Variants in ASH1L observed in about 807,000 individuals in gnomAD.
ASH1L encodes histone-lysine N-methyltransferase ASH1L.
In ASH1L, 23 loss-of-function variants were observed where a neutral mutation model predicts 269.0. The observed-to-expected ratio is 0.09, with a 90% CI of 0.06 to 0.12. The LOEUF (loss-of-function observed/expected upper bound fraction) is 0.12, where lower values mean the gene tolerates loss of function less well. Ranked by LOEUF, ASH1L falls within the 10% of genes least tolerant of loss-of-function variation. The pLI is 1.00. For missense variants in ASH1L, 2,912 were observed against 3,567.8 expected (o/e 0.82, Z 4.68); for synonymous variants, 1,187 against 1,253.5 (o/e 0.95, Z 1.12).
At chr1:155,405,711 C>T (rs536435039) in intron 6 of ASH1L, among the ~76,000 whole-genome samples, 16 of 150,740 alleles carry the variant, frequency 1.1e-4, no homozygotes, top group Admixed American at 9.3e-4. Context: ...GGGCCTGTAG[C>T]CCCATCTGTT....
intron 12 of ASH1L, among the ~76,000 whole-genome samples, chr1:155,366,133 A>C (rs1181606220): frequency 6.6e-6 from 1 of 152,186 alleles, no homozygotes; most frequent in African/African-American, 2.4e-5. Context: ...CAGGTCATAA[A>C]GACCTTGCTG....
In ASH1L at chr1:155,438,783, G is replaced by A. The variant is rs1443090699; in HGVS notation, c.5372C>T (p.Ser1791Phe). 1 of 1,614,146 alleles carries A rather than the reference G, an allele frequency of 6.2e-7. No homozygotes were observed. The change falls in exon 5 of 28, where the codon TCC becomes TTC. Residue 1791 changes from serine (S) to phenylalanine (F), a missense_variant. Ser to Phe is a radical substitution (Grantham distance 155, BLOSUM62 -2). This residue lies in a region of ASH1L where 789 missense variants were observed against 897.6 expected (regional missense o/e 0.88). Transcript: ENST00000392403. Reference sequence around the variant, plus strand: ...TACACTTCTCTTGATATGATGGGGGGAACAGCTGCTTGTCAACTTTTCAGA... The same window carrying A: ...TACACTTCTCTTGATATGATGGGGGAAACAGCTGCTTGTCAACTTTTCAGA... The part of the protein sequence containing the change: ...LLSEKLTSSC[S>F]PHHIKRSVVE...
upstream of ASH1L, chr1:155,562,849 C>T (rs1352147708): frequency 1.2e-5 from 6 of 484,620 alleles, no homozygotes; most frequent in South Asian, 9.2e-5. Flanking sequence ...CCCCCCTTCC[C>T]CGCCCCCACG....
intron 5 of ASH1L, among the ~76,000 whole-genome samples, chr1:155,426,469 G>A (rs958106980): frequency 2.0e-5 from 3 of 152,028 alleles, no homozygotes. Context: ...CCAAAGTGCT[G>A]GGATTACAGG....
intron 1 of ASH1L, among the ~76,000 whole-genome samples, chr1:155,543,971 C>T (rs1670622565): frequency 6.6e-6 from 1 of 152,204 alleles, no homozygotes; most frequent in African/African-American, 2.4e-5. Flanking sequence ...AAAGCAATTT[C>T]CTCATGGATT....
intron 4 of ASH1L, among the ~76,000 whole-genome samples, chr1:155,441,900 G>C (rs186971064): frequency 1.3e-5 from 2 of 151,886 alleles, no homozygotes; most frequent in East Asian, 1.9e-4. Context: ...TGAGTAGCTG[G>C]GACTACAGGC....
At chr1:155,448,921 C>T (rs116642856) in intron 4 of ASH1L, among the ~76,000 whole-genome samples, 3,122 of 151,926 alleles carry the variant, frequency 0.021, 102 homozygotes, top group African/African-American at 0.072. Context: ...GATTATCCCA[C>T]AAATTTCTAT....
intron 1 of ASH1L, among the ~76,000 whole-genome samples, chr1:155,560,260 G>A (rs1260668422): frequency 6.6e-6 from 1 of 151,974 alleles, no homozygotes; most frequent in Admixed American, 6.6e-5. Context: ...CTAACTTGAG[G>A]GCCCAGTGTC....
intron 12 of ASH1L, among the ~76,000 whole-genome samples, chr1:155,367,913 T>C (rs1268880173): frequency 6.6e-6 from 1 of 152,222 alleles, no homozygotes; most frequent in Admixed American, 6.6e-5. Context: ...CACTGGCCTA[T>C]ATTTTTTCCT....
intron 2 of ASH1L, 22 bp from the exon 3 acceptor site, chr1:155,482,471 A>T: frequency 6.3e-7 from 1 of 1,584,406 alleles, no homozygotes. Context: ...ACAAGAAAAA[A>T]GTTAAAGAGG....
intron 5 of ASH1L, among the ~76,000 whole-genome samples, chr1:155,437,030 G>A (rs902836481): frequency 2.0e-5 from 3 of 152,050 alleles, no homozygotes; most frequent in Non-Finnish European, 2.9e-5. Flanking sequence ...ATTCTACTTC[G>A]CTGGTCTATA....
At chr1:155,537,542 CTT>C (rs1169621447) in intron 1 of ASH1L, among the ~76,000 whole-genome samples, 1 of 152,138 alleles carries the variant, frequency 6.6e-6, no homozygotes, top group African/African-American at 2.4e-5. Flanking sequence ...TGAATGTAAT[CTT>C]CTCACTCCAA....
chr1:155,384,005 A>T (rs1657202888), intron 7 of ASH1L, among the ~76,000 whole-genome samples: 1 of 152,216 alleles, frequency 6.6e-6, no homozygotes, highest in Non-Finnish European at 1.5e-5. Flanking sequence ...AGTAAATTGG[A>T]TGGTCTGTGA....
At chr1:155,362,274 T>C (rs777677133) in intron 12 of ASH1L, among the ~76,000 whole-genome samples, 1 of 152,026 alleles carries the variant, frequency 6.6e-6, no homozygotes, top group Non-Finnish European at 1.5e-5. Flanking sequence ...GAGCTCGTGA[T>C]CCGCCCGCCT....
rs770396806 is a variant in ASH1L at position 155,562,302 on chromosome 1, G to C, written c.-249C>G. On this transcript the variant is annotated 5_prime_UTR_variant, in exon 1 of 28. Transcript: ENST00000392403. ...CGGCCAGCGGGTAAGCTGACTGGCG[G>C]AAATGCGAGAGAGGAGAAGGGAAAG... is the stretch of plus-strand genomic sequence containing the variant. 2.5e-6 allele frequency: 4 copies of C among 1,593,852 alleles called. No homozygotes were observed. The African/African-American group carries it at 4.0e-5, about 16-fold the overall frequency.
intron 2 of ASH1L, among the ~76,000 whole-genome samples, chr1:155,492,032 A>AC (rs1666830034): frequency 1.0e-5 from 1 of 95,400 alleles, no homozygotes; most frequent in South Asian, 3.3e-4. Context: ...AGTTTTGTTT[A>AC]CTTTTTTTTT....
chr1:155,377,807 G>A (rs947832204), intron 10 of ASH1L, among the ~76,000 whole-genome samples: 12 of 152,078 alleles, frequency 7.9e-5, no homozygotes, highest in African/African-American at 7.2e-5. Context: ...GGTGGATCAC[G>A]AGGTCAGATT....
chr1:155,432,545 A>G (rs535023678), intron 5 of ASH1L, among the ~76,000 whole-genome samples: 3 of 152,234 alleles, frequency 2.0e-5, no homozygotes, highest in Non-Finnish European at 4.4e-5. Flanking sequence ...ACAAGTTGAA[A>G]AACTGTTGCT....
In ASH1L at chr1:155,547,723, C is replaced by CA. The variant is rs1040051903; in HGVS notation, c.-100+14429dup. 6.6e-4 allele frequency among the ~76,000 whole-genome samples: 88 copies of CA among 133,528 alleles called. 1 individual carries two copies. Among genetic ancestry groups the CA allele is most frequent in the African/African-American group, 1.2e-3 (45 of 36,324 alleles). 87.6% of individuals were successfully genotyped at this position (133,528 alleles called of 152,430 possible). The stretch of plus-strand genomic sequence containing the variant: ...GGGCAACAAGAGTGAAACTCAGTCT[C>CA]AAAAAAAAAAAGGCCAGGCACAGTG... On this transcript the variant is annotated intron_variant, in intron 1 of 27. Coordinates refer to ENST00000392403, the MANE Select transcript of ASH1L (RefSeq NM_018489.3).
Sources: gnomAD v4.1 joint callset for allele counts (sites outside exome capture counted in the v4.1 genomes callset) on GRCh38, gnomAD v4.1.1 for gene constraint, gnomAD v4.1.1 regional missense constraint, MANE v1.5 for transcripts, NCBI Gene and HGNC (gene_info 2026-07-23, HGNC 2026-07-21) for gene names.